PAX5: variants seen among roughly 807,000 people sequenced by gnomAD.
PAX5 encodes the protein paired box protein Pax-5.
A neutral mutation model predicts 43.7 loss-of-function variants in PAX5; 9 were observed. The observed-to-expected ratio is 0.21, with a 90% confidence interval of 0.12 to 0.36. PAX5 has a LOEUF of 0.36. PAX5 is among the 10% of genes least tolerant of loss of function. The pLI is 1.00. For synonymous variants in PAX5, 228 were observed against 214.3 expected (o/e 1.06, Z -0.56); for missense variants, 383 against 532.7 (o/e 0.72, Z 2.77).
At position 36,867,744 on chromosome 9, in the gene PAX5, C is replaced by CCTTT. The variant is rs1225517846; in HGVS notation, c.1012+14256_1012+14259dup. Among the ~76,000 whole-genome samples, 5 of 152,208 alleles carry CCTTT rather than the reference C, an allele frequency of 3.3e-5. No individual in the cohort carries two copies. The East Asian group carries it at 7.7e-4, about 23-fold the overall frequency. Reference sequence around the variant, plus strand: ...TTCTCTTTTCCACTCCTTCTCTCTTCCTTTCTTTCTTTCTTTCAGCCCTGG... The same window carrying CCTTT: ...TTCTCTTTTCCACTCCTTCTCTCTTCCTTTCTTTCTTTCTTTCTTTCAGCCCTGG... On this transcript the variant is annotated intron_variant, in intron 8 of 9. Transcript: ENST00000358127.
At chr9:37,032,135 C>A (rs1841047028) in intron 1 of PAX5, among the ~76,000 whole-genome samples, 1 of 152,208 alleles carries the variant, frequency 6.6e-6, no homozygotes, top group Admixed American at 6.5e-5. Flanking sequence ...AAGGCTTGGC[C>A]AGCCTAGGGC....
chr9:36,866,168 C>T (rs943986566), intron 8 of PAX5, among the ~76,000 whole-genome samples: 14 of 152,194 alleles, frequency 9.2e-5, no homozygotes, highest in African/African-American at 2.9e-4. Flanking sequence ...GAAGCGCGGG[C>T]GGGCCGGGCC....
intron 8 of PAX5, among the ~76,000 whole-genome samples, chr9:36,852,577 C>A (rs545697740): frequency 6.6e-6 from 1 of 152,328 alleles, no homozygotes; most frequent in East Asian, 1.9e-4. Flanking sequence ...CTCACAATAA[C>A]CCTGGTGAGG....
intron 5 of PAX5, among the ~76,000 whole-genome samples, chr9:36,988,444 T>C (rs1242697130): frequency 1.3e-5 from 2 of 152,082 alleles, no homozygotes; most frequent in African/African-American, 4.8e-5. Flanking sequence ...GAGGATTGCT[T>C]GAGCCCAAGA....
chr9:36,940,883 C>T (rs571243019), intron 6 of PAX5, among the ~76,000 whole-genome samples: 118 of 152,176 alleles, frequency 7.8e-4, no homozygotes, highest in Non-Finnish European at 1.2e-3. Flanking sequence ...CCTAAAGAAA[C>T]GCAATGAGAG....
chr9:36,937,995 T>C (rs552730382), intron 6 of PAX5, among the ~76,000 whole-genome samples: 11 of 152,346 alleles, frequency 7.2e-5, no homozygotes, highest in African/African-American at 2.6e-4. Flanking sequence ...CTGAAGGTGA[T>C]ATTCTGGCTT....
At chr9:36,933,806 G>A (rs1831322622) in intron 6 of PAX5, among the ~76,000 whole-genome samples, 2 of 152,180 alleles carry the variant, frequency 1.3e-5, no homozygotes, top group Non-Finnish European at 2.9e-5. Context: ...GGTGGCAAGG[G>A]ACCTGGAGAC....
intron 8 of PAX5, among the ~76,000 whole-genome samples, chr9:36,869,895 A>AATGGATGGATGGATGGATGGATGG (rs371489118): frequency 2.0e-5 from 1 of 49,364 alleles, no homozygotes; most frequent in Non-Finnish European, 4.4e-5. Flanking sequence ...TGGATGGATA[A>AATGGATGGATGGATGGATGGATGG]ATGGATGGAT....
intron 7 of PAX5, among the ~76,000 whole-genome samples, chr9:36,919,291 T>A (rs192339215): frequency 1.3e-5 from 2 of 152,340 alleles, no homozygotes; most frequent in Admixed American, 1.3e-4. Context: ...ATATTACTGC[T>A]TATTGACAAT....
intron 9 of PAX5, among the ~76,000 whole-genome samples, chr9:36,842,855 G>A (rs547727720): frequency 5.3e-5 from 8 of 152,236 alleles, no homozygotes; most frequent in South Asian, 2.1e-4. Flanking sequence ...ACATTCTCCC[G>A]AGAAGTCAAA....
chr9:36,942,453 A>G (rs1437018044), intron 6 of PAX5, among the ~76,000 whole-genome samples: 3 of 152,200 alleles, frequency 2.0e-5, no homozygotes, highest in Non-Finnish European at 4.4e-5. Flanking sequence ...ACAGTGATCA[A>G]ACAAGGCCAC....
At chr9:37,010,950 A>C (rs778360736) in intron 3 of PAX5, among the ~76,000 whole-genome samples, 10 of 152,078 alleles carry the variant, frequency 6.6e-5, no homozygotes, top group Non-Finnish European at 1.2e-4. Context: ...ATGAAACCCT[A>C]TCTCTACAAA....
intron 5 of PAX5, among the ~76,000 whole-genome samples, chr9:36,996,015 G>A (rs1161038455): frequency 2.0e-5 from 3 of 152,244 alleles, no homozygotes; most frequent in Admixed American, 6.5e-5. Context: ...CGACACCTGG[G>A]GGCACTGTTG....
At position 36,840,525 on chromosome 9, in the gene PAX5, G is replaced by A. The variant is rs918539264; in HGVS notation, c.*35C>T. 1.9e-6 allele frequency: 3 copies of A among 1,559,870 alleles called. No individual in the cohort carries two copies. The highest frequency in any genetic ancestry group is 8.7e-7 in the Non-Finnish European group (1 of 1,151,172). On this transcript the variant is annotated 3_prime_UTR_variant, in exon 10 of 10. Transcript: ENST00000358127. ...TGGGTGGCTGTCACCCTCAATAGGT[G>A]CCATCAGTGTTTGGTGCCCGCCTGG...
intron 5 of PAX5, among the ~76,000 whole-genome samples, chr9:36,981,448 C>CA (rs200070533): frequency 5.9e-5 from 8 of 134,686 alleles, no homozygotes; most frequent in African/African-American, 1.9e-4. Context: ...AAAAAAAAAA[C>CA]AAAAAACAGG....
At position 36,835,901 on chromosome 9, in the gene PAX5, C is replaced by T. The variant is rs77189997; in HGVS notation, c.*4659G>A. The stretch of plus-strand genomic sequence containing the variant: ...GGGCAGGAGTTGGTTTCCACCCTCC[C>T]GGGAAGCTGTATCTTAGACTCCCCT... On this transcript the variant is annotated 3_prime_UTR_variant, in exon 10 of 10. Coordinates refer to ENST00000358127, the MANE Select transcript of PAX5 (RefSeq NM_016734.3). The T allele has an allele frequency of 0.018, 4,151 of 233,508 alleles. 42 individuals are homozygous for T. Among genetic ancestry groups the T allele is most frequent in the Middle Eastern group, 0.022 (17 of 786 alleles). 14.5% of individuals were successfully genotyped at this position (233,508 alleles called of 1,614,324 possible). A position where few individuals can be genotyped will look rare whatever the true frequency, so the allele number is the denominator to read the frequency against.
At chr9:36,933,245 C>T (rs1281577681) in intron 6 of PAX5, among the ~76,000 whole-genome samples, 1 of 152,108 alleles carries the variant, frequency 6.6e-6, no homozygotes, top group Non-Finnish European at 1.5e-5. Context: ...TGTCACCGCT[C>T]ATCAGCCATC....
intron 4 of PAX5, 64 bp from the exon 5 acceptor site, chr9:37,002,840 C>G: frequency 1.9e-6 from 3 of 1,539,470 alleles, no homozygotes; most frequent in Non-Finnish European, 2.6e-6. Context: ...CGGCTGTCAC[C>G]GCACGTGAGG....
chr9:36,854,731 G>A (rs149934931), intron 8 of PAX5, among the ~76,000 whole-genome samples: 173 of 152,252 alleles, frequency 1.1e-3, no homozygotes, highest in Non-Finnish European at 2.0e-3. Flanking sequence ...TCAGCCTGTC[G>A]GCCCCGACAG....
Sources: allele counts gnomAD v4.1 joint callset (sites outside exome capture counted in the v4.1 genomes callset), GRCh38; gene constraint gnomAD v4.1.1; transcripts MANE v1.5; gene names NCBI Gene and HGNC (gene_info 2026-07-23, HGNC 2026-07-21).